DMD: variants seen among roughly 807,000 people sequenced by gnomAD.
DMD encodes the protein dystrophin.
In DMD, 63 loss-of-function variants were observed where a neutral mutation model predicts 330.1. That is an observed-to-expected ratio of 0.19 (90% CI 0.16 to 0.24). The LOEUF (loss-of-function observed/expected upper bound fraction) is 0.24, where lower values mean the gene tolerates loss of function less well. Ranked by LOEUF, DMD falls within the 10% of genes least tolerant of loss-of-function variation. The pLI, the probability that DMD is intolerant of heterozygous loss-of-function variation, is 1.00. For missense variants in DMD, 3,344 were observed against 2,684.1 expected (o/e 1.25, Z -5.43); for synonymous variants, 1,223 against 959.8 (o/e 1.27, Z -5.07).
At chrX:32,840,411 C>T (rs768364653) in intron 4 of DMD, among the ~76,000 whole-genome samples, 2 of 111,198 alleles carry the variant, frequency 1.8e-5, no homozygotes, top group Admixed American at 9.6e-5. Context: ...CGTGGAGTTT[C>T]GGAGGTTTTA....
rs184540542 is a variant in DMD, at chrX:33,020,742, A to T, written c.32-542T>A. On this transcript the variant is annotated intron_variant, in intron 1 of 78. Coordinates refer to ENST00000357033, the MANE Select transcript of DMD (RefSeq NM_004006.3). ...AGTCGTTCAAATACTGTATGATTAT[A>T]AAAAAATAGTCTCCTCTGAATAACA... Among the ~76,000 whole-genome samples the T allele has an allele frequency of 9.8e-5, 11 of 111,705 alleles. No individual in the cohort carries two copies. In the East Asian group the frequency reaches 3.1e-3, roughly 31 times the overall value.
At chrX:33,117,824 A>G (rs1173112106) in intron 1 of DMD, among the ~76,000 whole-genome samples, 1 of 108,328 alleles carries the variant, frequency 9.2e-6, no homozygotes, top group Non-Finnish European at 1.9e-5. Context: ...TCAACTATGG[A>G]AAGAAAATCC....
At chrX:32,046,675 T>C (rs191880700) in intron 44 of DMD, among the ~76,000 whole-genome samples, 66 of 111,909 alleles carry the variant, frequency 5.9e-4, no homozygotes, top group South Asian at 1.8e-3. Context: ...GAAGGGAGCA[T>C]TGATAAGAGA....
intron 50 of DMD, among the ~76,000 whole-genome samples, chrX:31,778,524 A>T (rs113204584): frequency 0.081 from 8,842 of 108,564 alleles, 540 homozygotes; most frequent in African/African-American, 0.19. Context: ...TTCATTTTTT[A>T]ATCAAAGTGT....
intron 1 of DMD, among the ~76,000 whole-genome samples, chrX:33,165,234 T>C (rs1270978578): frequency 9.0e-6 from 1 of 111,683 alleles, no homozygotes; most frequent in African/African-American, 3.3e-5. Flanking sequence ...CAGCATTGCA[T>C]GACAAAAATC....
At chrX:31,530,459 C>A in intron 55 of DMD, among the ~76,000 whole-genome samples, 1 of 111,046 alleles carries the variant, frequency 9.0e-6, no homozygotes, top group South Asian at 3.8e-4. Flanking sequence ...TCTCCCACTT[C>A]CAGCTTGATA....
intron 30 of DMD, among the ~76,000 whole-genome samples, chrX:32,406,069 A>G (rs1259058937): frequency 9.0e-6 from 1 of 111,632 alleles, no homozygotes; most frequent in Non-Finnish European, 1.9e-5. Context: ...TTATTGGTGT[A>G]TAAGAATGCT....
intron 52 of DMD, among the ~76,000 whole-genome samples, chrX:31,721,740 A>G (rs891260584): frequency 8.4e-5 from 8 of 94,931 alleles, no homozygotes; most frequent in Non-Finnish European, 1.7e-4. Context: ...ATATATATAT[A>G]TATATCTCCT....
At chrX:31,893,377 T>C (rs961243980) in intron 47 of DMD, among the ~76,000 whole-genome samples, 4 of 111,393 alleles carry the variant, frequency 3.6e-5, no homozygotes, top group Non-Finnish European at 7.5e-5. Flanking sequence ...CTAGGGCCTC[T>C]AGCCACCGTC....
At chrX:32,043,792 T>A (rs946123496) in intron 44 of DMD, among the ~76,000 whole-genome samples, 1 of 112,168 alleles carries the variant, frequency 8.9e-6, no homozygotes, top group African/African-American at 3.2e-5. Flanking sequence ...CCCATGTATT[T>A]TAATCATTAT....
intron 44 of DMD, among the ~76,000 whole-genome samples, chrX:32,192,203 C>A (rs779667206): frequency 1.8e-5 from 2 of 111,603 alleles, no homozygotes; most frequent in Non-Finnish European, 3.8e-5. Flanking sequence ...GTATGATACC[C>A]AAGACTCAAA....
chrX:31,996,158 A>G (rs774329921), intron 44 of DMD, among the ~76,000 whole-genome samples: 2 of 112,229 alleles, frequency 1.8e-5, no homozygotes, highest in East Asian at 2.8e-4. Context: ...AAAAGAAAAT[A>G]ACGTGAATTA....
chrX:32,873,311 A>G (rs2083140082), intron 2 of DMD, among the ~76,000 whole-genome samples: 1 of 109,986 alleles, frequency 9.1e-6, no homozygotes. Context: ...CCTCGTTCAC[A>G]TACACACAGG....
intron 51 of DMD, among the ~76,000 whole-genome samples, chrX:31,770,863 T>C (rs1357108056): frequency 9.9e-6 from 1 of 100,950 alleles, no homozygotes; most frequent in Admixed American, 1.1e-4. Flanking sequence ...TGTTAGCTAT[T>C]ATCCTAAAAT....
At chrX:32,445,911 A>T (rs1391067150) in intron 27 of DMD, among the ~76,000 whole-genome samples, 1 of 111,497 alleles carries the variant, frequency 9.0e-6, no homozygotes, top group Non-Finnish European at 1.9e-5. Context: ...ACAGACAAAG[A>T]TGAGACTATT....
chrX:32,654,426 G>C (rs774105423), intron 9 of DMD, among the ~76,000 whole-genome samples: 122 of 111,691 alleles, frequency 1.1e-3, no homozygotes, highest in Non-Finnish European at 2.0e-3. Flanking sequence ...TTCTATCTTT[G>C]GTTCTGTTTA....
At chrX:32,544,395 T>C (rs1369123752) in intron 17 of DMD, among the ~76,000 whole-genome samples, 1 of 111,944 alleles carries the variant, frequency 8.9e-6, no homozygotes, top group Non-Finnish European at 1.9e-5. Context: ...TCTAAACATA[T>C]GCTGCTTAAA....
At chrX:32,196,154 A>G (rs1315278367) in intron 44 of DMD, among the ~76,000 whole-genome samples, 1 of 112,449 alleles carries the variant, frequency 8.9e-6, no homozygotes, top group African/African-American at 3.2e-5. Context: ...TTTCAGGCTC[A>G]TTTCCAGTCC....
At chrX:32,414,794 T>C (rs1339069602) in intron 29 of DMD, among the ~76,000 whole-genome samples, 3 of 112,270 alleles carry the variant, frequency 2.7e-5, no homozygotes, top group Non-Finnish European at 5.6e-5. Flanking sequence ...GGACATTATT[T>C]GGAGAAAATT....
Sources: allele counts gnomAD v4.1 joint callset (sites outside exome capture counted in the v4.1 genomes callset), GRCh38; gene constraint gnomAD v4.1.1; transcripts MANE v1.5; gene names NCBI Gene and HGNC (gene_info 2026-07-23, HGNC 2026-07-21).